Variants in MYO3B observed in about 807,000 individuals in gnomAD.
MYO3B encodes the protein myosin-IIIb.
In MYO3B, 156 loss-of-function variants were observed where a neutral mutation model predicts 174.6. The observed-to-expected ratio is 0.89, with a 90% CI of 0.78 to 1.02. The LOEUF is 1.02. Ranked by LOEUF, MYO3B falls within the 50% of genes least tolerant of loss-of-function variation. The pLI, the probability that MYO3B is intolerant of heterozygous loss-of-function variation, is 0.00. For synonymous variants in MYO3B, 563 were observed against 569.1 expected (o/e 0.99, Z 0.15); for missense variants, 1,632 against 1,639.4 (o/e 1.00, Z 0.08).
At chr2:170,275,415 C>A (rs145037411) in intron 7 of MYO3B, among the ~76,000 whole-genome samples, 2,472 of 152,244 alleles carry the variant, frequency 0.016, 23 homozygotes, top group Admixed American at 0.026. Flanking sequence ...CTTTCCCATA[C>A]CTTTGCTTTG....
chr2:170,275,104 G>A (rs190724234), intron 7 of MYO3B, among the ~76,000 whole-genome samples: 1 of 152,226 alleles, frequency 6.6e-6, no homozygotes, highest in East Asian at 1.9e-4. Flanking sequence ...TCCAGCTTCT[G>A]CTAGGTCCCC....
intron 30 of MYO3B, chr2:170,524,354 A>G: frequency 3.1e-6 from 1 of 327,388 alleles, no homozygotes; most frequent in Admixed American, 4.2e-5. Flanking sequence ...TCGAGGAATC[A>G]CTGGGTTATG....
intron 8 of MYO3B, chr2:170,347,915 C>T (rs2094029753): frequency 6.6e-6 from 1 of 152,250 alleles, no homozygotes; most frequent in East Asian, 1.9e-4. Context: ...TCCTTCTCCC[C>T]TCCAGCCCCT....
intron 22 of MYO3B, among the ~76,000 whole-genome samples, chr2:170,411,077 C>G (rs1476675922): frequency 2.0e-5 from 3 of 152,134 alleles, no homozygotes; most frequent in African/African-American, 7.2e-5. Context: ...ATTTCTTTAT[C>G]GAAGGATTCC....
In MYO3B at chr2:170,426,516, T is replaced by G. The variant is rs918594440; in HGVS notation, c.2651-17451T>G. ...ATGCCCGGATGATTTTTTTGTATTT[T>G]TAGTAGAGGCGGGGTTTCACCATGT... is the stretch of plus-strand genomic sequence containing the variant. On this transcript the variant is annotated intron_variant, in intron 22 of 34. Coordinates refer to ENST00000408978, the MANE Select transcript of MYO3B (RefSeq NM_138995.5). Among the ~76,000 whole-genome samples, 28 of 151,698 alleles carry G rather than the reference T, an allele frequency of 1.8e-4. 1 individual carries two copies. Among genetic ancestry groups the G allele is most frequent in the Non-Finnish European group, 1.2e-4 (8 of 67,946 alleles).
intron 7 of MYO3B, among the ~76,000 whole-genome samples, chr2:170,285,022 T>C (rs375413539): frequency 1.3e-5 from 2 of 152,252 alleles, no homozygotes; most frequent in Non-Finnish European, 2.9e-5. Context: ...AACTTATCCA[T>C]GTTGATGCAT....
At chr2:170,647,446 G>A (rs939953292) in intron 32 of MYO3B, among the ~76,000 whole-genome samples, 1 of 152,060 alleles carries the variant, frequency 6.6e-6, no homozygotes, top group African/African-American at 2.4e-5. Flanking sequence ...TTAAATAATG[G>A]TCTACTTCCC....
intron 1 of MYO3B, among the ~76,000 whole-genome samples, chr2:170,189,321 C>T (rs2092510745): frequency 6.6e-6 from 1 of 151,962 alleles, no homozygotes; most frequent in Non-Finnish European, 1.5e-5. Flanking sequence ...GTTAAATCAG[C>T]TTGGTGTTCT....
chr2:170,606,988 C>A (rs1201458025), intron 32 of MYO3B, among the ~76,000 whole-genome samples: 1 of 151,988 alleles, frequency 6.6e-6, no homozygotes, highest in African/African-American at 2.4e-5. Context: ...CCATTGCACT[C>A]CAGCCTGGGC....
At chr2:170,620,204 C>T (rs1469339553) in intron 32 of MYO3B, among the ~76,000 whole-genome samples, 2 of 151,368 alleles carry the variant, frequency 1.3e-5, no homozygotes, top group Non-Finnish European at 2.9e-5. Context: ...AAAAAAAAAA[C>T]ACTTCTTCCT....
intron 8 of MYO3B, chr2:170,342,333 T>A (rs955553557): frequency 2.6e-5 from 4 of 152,322 alleles, no homozygotes; most frequent in African/African-American, 9.6e-5. Flanking sequence ...ATACTGTGAA[T>A]CAAAAAGACT....
intron 22 of MYO3B, among the ~76,000 whole-genome samples, chr2:170,415,877 A>G (rs1390158311): frequency 1.3e-5 from 2 of 152,164 alleles, no homozygotes; most frequent in Non-Finnish European, 2.9e-5. Context: ...TCTTATCAAC[A>G]TAGTCTCTTT....
At chr2:170,302,620 C>T (rs1418955586) in intron 7 of MYO3B, among the ~76,000 whole-genome samples, 1 of 152,152 alleles carries the variant, frequency 6.6e-6, no homozygotes, top group Non-Finnish European at 1.5e-5. Context: ...TATTCCAGTT[C>T]GTTCCAGTAA....
chr2:170,560,497 A>G (rs36124393), intron 32 of MYO3B, among the ~76,000 whole-genome samples: 1,855 of 152,318 alleles, frequency 0.012, 21 homozygotes, highest in Non-Finnish European at 0.016. Context: ...GTGAAGACTC[A>G]GTGTTCCCAA....
At chr2:170,234,931 T>C (rs1202760530) in intron 6 of MYO3B, among the ~76,000 whole-genome samples, 1 of 152,232 alleles carries the variant, frequency 6.6e-6, no homozygotes, top group African/African-American at 2.4e-5. Flanking sequence ...CCTCATAATC[T>C]ATCCTCTGCA....
intron 7 of MYO3B, among the ~76,000 whole-genome samples, chr2:170,330,130 C>T (rs1042223982): frequency 2.6e-5 from 4 of 152,200 alleles, no homozygotes; most frequent in African/African-American, 9.6e-5. Flanking sequence ...TATGTCCCAT[C>T]TGTGAACAGA....
At chr2:170,472,383 A>G (rs1685026989) in intron 25 of MYO3B, among the ~76,000 whole-genome samples, 2 of 152,170 alleles carry the variant, frequency 1.3e-5, no homozygotes, top group Non-Finnish European at 2.9e-5. Context: ...TTCCCTAACC[A>G]TCCCAGGCTG....
At chr2:170,595,390 A>G (rs6747351) in intron 32 of MYO3B, among the ~76,000 whole-genome samples, 1 of 151,852 alleles carries the variant, frequency 6.6e-6, no homozygotes, top group Non-Finnish European at 1.5e-5. Context: ...TCTGTGCTGC[A>G]TCTTCATTTT....
In MYO3B at chr2:170,427,051, C is replaced by A. The variant is rs2094669226; in HGVS notation, c.2651-16916C>A. ...AAAGAAAAGAAATAGATACTTAGTACCTGGCTTCAAAGAGGTTGTAACATC... is the reference window on the plus strand; with the variant it reads ...AAAGAAAAGAAATAGATACTTAGTAACTGGCTTCAAAGAGGTTGTAACATC... On this transcript the variant is annotated intron_variant, in intron 22 of 34. Coordinates refer to ENST00000408978, the MANE Select transcript of MYO3B (RefSeq NM_138995.5). Among the ~76,000 whole-genome samples the A allele has an allele frequency of 2.0e-5, 3 of 151,842 alleles. 1 individual carries two copies. Among genetic ancestry groups the A allele is most frequent in the South Asian group, 4.2e-4 (2 of 4,796 alleles).
Sources: allele counts gnomAD v4.1 joint callset (sites outside exome capture counted in the v4.1 genomes callset), GRCh38; gene constraint gnomAD v4.1.1; transcripts MANE v1.5; gene names NCBI Gene and HGNC (gene_info 2026-07-23, HGNC 2026-07-21).